The following RING1 variants were observed in gnomAD, a reference collection of about 807,000 sequenced individuals.
The protein encoded by RING1 is ring finger protein 1, also known as E3 ubiquitin-protein ligase RING1.
A neutral mutation model predicts 35.0 loss-of-function variants in RING1; 8 were observed. That is an observed-to-expected ratio of 0.23 (90% CI 0.13 to 0.41). The LOEUF is 0.41. Among genes scored for constraint, RING1 ranks in the 10% least tolerant of loss-of-function variants. The pLI is 1.00. For missense variants in RING1, 343 were observed against 546.8 expected (o/e 0.63, Z 3.72); for synonymous variants, 214 against 224.3 (o/e 0.95, Z 0.41).
chr6:33,210,329 A>C (rs1426122538), intron 4 of RING1, among the ~76,000 whole-genome samples, 199 bp downstream of exon 4: 2 of 152,194 alleles, frequency 1.3e-5, no homozygotes. Context: ...GGCTGGGCAC[A>C]GTGACTCACA....
chr6:33,209,438 C>T lies in RING1; in HGVS notation c.79-188C>T, dbSNP rs748827389. 6 of 622,496 alleles carry T rather than the reference C, an allele frequency of 9.6e-6. No homozygotes were observed. Among genetic ancestry groups the T allele is most frequent in the Non-Finnish European group, 1.7e-5 (6 of 358,586 alleles). 38.6% of individuals were successfully genotyped at this position (622,496 alleles called of 1,614,324 possible). ...AGCTCCTACTCTTAGTTAATGGACA[C>T]TAAAGTCTGTCTTTTCTCCATTTGC... On this transcript the variant is annotated intron_variant, in intron 2 of 6. Transcript: ENST00000374656. The surrounding 1 kb of genome is among the most constrained non-coding windows in gnomAD (Gnocchi z 5.1).
In RING1 at chr6:33,210,096, A is replaced by C. The variant is rs1361053500; in HGVS notation, c.421A>C (p.Ile141Leu). The C allele has an allele frequency of 1.2e-5, 20 of 1,614,072 alleles. No homozygotes were observed. Reference protein sequence around the residue: ...LHNQQALSSSIEEGLRMQAMH... With the variant: ...LHNQQALSSSLEEGLRMQAMH... Reference sequence around the variant, plus strand: ...CAACCAGCAGGCATTGAGCTCCAGCATTGAGGAGGGGCTACGCATGCAGGC... The same window carrying C: ...CAACCAGCAGGCATTGAGCTCCAGCCTTGAGGAGGGGCTACGCATGCAGGC... Residue 141 changes from isoleucine to leucine, a missense_variant, in exon 4 of 7, where the codon ATT (isoleucine) becomes CTT (leucine). Physicochemically the swap from Ile to Leu is conservative, Grantham distance 5 (BLOSUM62 2). This residue lies in a region of RING1 where 278 missense variants were observed against 383.5 expected (regional missense o/e 0.72). Transcript: ENST00000374656.
At position 33,209,324 on chromosome 6, in the gene RING1, A is replaced by G. The variant is rs562834031; in HGVS notation, c.79-302A>G. The G allele has an allele frequency of 7.0e-6, 4 of 573,940 alleles. No individual in the cohort carries two copies. The African/African-American group carries it at 7.5e-5, about 11-fold the overall frequency. The allele number at this position is 573,940 out of a possible 1,614,324, so 35.6% of individuals were successfully genotyped here. ...AATACAGGTAGCACCAGGACTTTAAAAAATTTTGTTGAATAGTTTTTCCCA... is the reference window on the plus strand; with the variant it reads ...AATACAGGTAGCACCAGGACTTTAAGAAATTTTGTTGAATAGTTTTTCCCA... On this transcript the variant is annotated intron_variant, in intron 2 of 6. Coordinates refer to ENST00000374656, the MANE Select transcript of RING1 (RefSeq NM_002931.4). The surrounding 1 kb of genome is among the most constrained non-coding windows in gnomAD (Gnocchi z 5.1).
In RING1 at chr6:33,208,784, G is replaced by A; in HGVS notation, c.-39G>A. The A allele has an allele frequency of 6.6e-7, 1 of 1,508,660 alleles. No individual in the cohort carries two copies. Among genetic ancestry groups the A allele is most frequent in the Non-Finnish European group, 8.9e-7 (1 of 1,119,070 alleles). 93.5% of individuals were successfully genotyped at this position (1,508,660 alleles called of 1,614,324 possible). On this transcript the variant is annotated 5_prime_UTR_variant, in exon 2 of 7. Coordinates refer to ENST00000374656, the MANE Select transcript of RING1 (RefSeq NM_002931.4). This position sits in a 1 kb window ranked among gnomAD's most constrained non-coding sequence, Gnocchi z 6.2. ...CCCCAGCCTTCTTCGCCTTCTCCTC[G>A]GCTGTGGAGCCCTGGTGGGGGGTCT...
Position 33,210,277 on chromosome 6 carries a change from C to T in RING1, c.455+147C>T, listed in dbSNP as rs537492111. 313 of 715,874 alleles carry T rather than the reference C, an allele frequency of 4.4e-4. 2 individuals are homozygous for T. The East Asian group carries it at 4.9e-3, about 11-fold the overall frequency. 44.3% of individuals were successfully genotyped at this position (715,874 alleles called of 1,614,324 possible). On this transcript the variant is annotated intron_variant, in intron 4 of 6. Coordinates refer to ENST00000374656, the MANE Select transcript of RING1 (RefSeq NM_002931.4). ...AAATCATGGGTGTAAATTGCAGTTTCTTAGTAAACAACTGGCCCTGCTCTT... is the reference window on the plus strand; with the variant it reads ...AAATCATGGGTGTAAATTGCAGTTTTTTAGTAAACAACTGGCCCTGCTCTT...
In RING1 at chr6:33,208,941, A is replaced by C; in HGVS notation, c.78+41A>C. 6.6e-7 allele frequency: 1 copy of C among 1,503,790 alleles called. No homozygotes were observed. Among genetic ancestry groups the C allele is most frequent in the Non-Finnish European group, 9.2e-7 (1 of 1,088,108 alleles). The allele number at this position is 1,503,790 out of a possible 1,614,324, so 93.2% of individuals were successfully genotyped here. The stretch of plus-strand genomic sequence containing the variant: ...CCTTTCAGGCTTACCCCCTCCCCCA[A>C]ACCCTTATATCCACAGACCGCATCA... On this transcript the variant is annotated intron_variant, in intron 2 of 6. Transcript: ENST00000374656. This position sits in a 1 kb window ranked among gnomAD's most constrained non-coding sequence, Gnocchi z 6.2.
chr6:33,209,171 A>C lies in RING1; in HGVS notation c.78+271A>C, dbSNP rs1446697862. 1.5e-6 allele frequency: 1 copy of C among 680,818 alleles called. No homozygotes were observed. The highest frequency in any genetic ancestry group is 1.8e-5 in the African/African-American group (1 of 56,844). 42.2% of individuals were successfully genotyped at this position (680,818 alleles called of 1,614,324 possible). A position where few individuals can be genotyped will look rare whatever the true frequency, so the allele number is the denominator to read the frequency against. ...TCCCTGTTCCTCATTCAGTGTCATA[A>C]GTCAGTGCACATAAGACTCACTTTG... On this transcript the variant is annotated intron_variant, in intron 2 of 6. Coordinates refer to ENST00000374656, the MANE Select transcript of RING1 (RefSeq NM_002931.4). The surrounding 1 kb of genome is among the most constrained non-coding windows in gnomAD (Gnocchi z 5.1).
chr6:33,211,126 T>A lies in RING1; in HGVS notation c.456-32T>A. On this transcript the variant is annotated intron_variant, in intron 4 of 6. Transcript: ENST00000374656. This position sits in a 1 kb window ranked among gnomAD's most constrained non-coding sequence, Gnocchi z 6.3. ...TAAAGTCTAAGCCCTTTATCCTGGA[T>A]GCCTTCTAACCTTAACCACTTGCTT... The A allele has an allele frequency of 6.5e-7, 1 of 1,539,960 alleles. No homozygotes were observed. The highest frequency in any genetic ancestry group is 2.3e-5 in the East Asian group (1 of 43,912).
At position 33,211,369 on chromosome 6, in the gene RING1, G is replaced by A. The variant is rs773288562; in HGVS notation, c.667G>A (p.Val223Met). ...GACAGGGGGAGGCGGCACTGGTGGG[G>A]TGGGTGGGGGTGCCGGTTCGGAAGA... ...VGTGGGGTGG[V>M]GGGAGSEDSG... The change falls in exon 5 of 7, where the codon GTG becomes ATG. Residue 223 changes from valine to methionine, a missense_variant. Physicochemically the swap from Val to Met is conservative, Grantham distance 21. This residue lies in a region of RING1 where 278 missense variants were observed against 383.5 expected (regional missense o/e 0.72). Coordinates refer to ENST00000374656, the MANE Select transcript of RING1 (RefSeq NM_002931.4). The surrounding 1 kb of genome is among the most constrained non-coding windows in gnomAD (Gnocchi z 6.3). 1 of 1,560,836 alleles carries A rather than the reference G, an allele frequency of 6.4e-7. No individual in the cohort carries two copies. Among genetic ancestry groups the A allele is most frequent in the Non-Finnish European group, 8.7e-7 (1 of 1,152,512 alleles).
rs775607509 is a variant in RING1, at chr6:33,208,915, C to T, written c.78+15C>T. ...GGACCCCGCAGGTGACAGGCATTCT[C>T]CCTTTCAGGCTTACCCCCTCCCCCA... On this transcript the variant is annotated intron_variant, in intron 2 of 6. Transcript: ENST00000374656. The surrounding 1 kb of genome is among the most constrained non-coding windows in gnomAD (Gnocchi z 6.2). The T allele has an allele frequency of 2.5e-6, 4 of 1,602,822 alleles. No homozygotes were observed. Among genetic ancestry groups the T allele is most frequent in the East Asian group, 2.2e-5 (1 of 44,630 alleles).
In RING1 at chr6:33,209,843, C is replaced by A; in HGVS notation, c.239+57C>A. 6.2e-7 allele frequency: 1 copy of A among 1,611,634 alleles called. No homozygotes were observed. Reference sequence around the variant, plus strand: ...AAGGGGTACAAAGTTAGGGCCCTCTCACTGGTCTTGGTTCAGCCTAGGCTT... The same window carrying A: ...AAGGGGTACAAAGTTAGGGCCCTCTAACTGGTCTTGGTTCAGCCTAGGCTT... On this transcript the variant is annotated intron_variant, in intron 3 of 6. Transcript: ENST00000374656. The surrounding 1 kb of genome is among the most constrained non-coding windows in gnomAD (Gnocchi z 5.1).
Position 33,212,303 on chromosome 6 carries a change from G to A in RING1, c.1125G>A (p.Leu375=). ...IAPGGGAFTT[L]NGSLTLELVN... ...CCCTTTTACCCCCTCCTCAGACGTT[G>A]AATGGCTCGCTGACCCTGGAGCTGG... The change falls in exon 7 of 7, where the codon TTG becomes TTA. Residue 375 remains leucine, a synonymous_variant. Transcript: ENST00000374656. 5 of 1,581,472 alleles carry A rather than the reference G, an allele frequency of 3.2e-6. No individual in the cohort carries two copies. Among genetic ancestry groups the A allele is most frequent in the Non-Finnish European group, 3.4e-6 (4 of 1,163,440 alleles).
rs1775543383 is a variant in RING1 at position 33,211,613 on chromosome 6, G to A, written c.845+66G>A. 6.3e-7 allele frequency: 1 copy of A among 1,578,068 alleles called. No homozygotes were observed. The highest frequency in any genetic ancestry group is 1.2e-5 in the South Asian group (1 of 86,500). ...GATCACCTAGATTTCCATCAGAAGT[G>A]GGCTTTGCCCAAACCCAAAATACCA... On this transcript the variant is annotated intron_variant, in intron 5 of 6. Coordinates refer to ENST00000374656, the MANE Select transcript of RING1 (RefSeq NM_002931.4). The surrounding 1 kb of genome is among the most constrained non-coding windows in gnomAD (Gnocchi z 6.3).
rs150736071 is a variant in RING1, at chr6:33,211,178, C to T, written c.476C>T (p.Pro159Leu). 10 of 1,603,652 alleles carry T rather than the reference C, an allele frequency of 6.2e-6. No individual in the cohort carries two copies. Among genetic ancestry groups the T allele is most frequent in the Admixed American group, 5.0e-5 (3 of 59,746 alleles). Residue 159 changes from proline (P) to leucine (L), a missense_variant, in exon 5 of 7, where the codon CCG becomes CTG. Pro to Leu is a moderately conservative substitution (Grantham distance 98, BLOSUM62 -3). Transcript: ENST00000374656. This position sits in a 1 kb window ranked among gnomAD's most constrained non-coding sequence, Gnocchi z 6.3. ...AMHRAQRVRR[P>L]IPGSDQTTTM... Reference sequence around the variant, plus strand: ...TACAGGGCCCAGCGTGTGAGGCGGCCGATACCAGGGTCAGATCAGACCACA... The same window carrying T: ...TACAGGGCCCAGCGTGTGAGGCGGCTGATACCAGGGTCAGATCAGACCACA...
rs759828026 is a variant in RING1, at chr6:33,211,538, G to A, written c.836G>A (p.Cys279Tyr). The A allele has an allele frequency of 1.9e-6, 3 of 1,611,108 alleles. No homozygotes were observed. The highest frequency in any genetic ancestry group is 2.2e-5 in the South Asian group (2 of 91,058). Reference sequence around the variant, plus strand: ...CTGCTCGTGGAGAAGGGAGAATACTGCCAGACGAGGTGAGGAGCCCTGTCT... The same window carrying A: ...CTGCTCGTGGAGAAGGGAGAATACTACCAGACGAGGTGAGGAGCCCTGTCT... ...HPLLVEKGEY[C>Y]QTRYVKTTGN... The change falls in exon 5 of 7, where the codon TGC becomes TAC. Residue 279 changes from cysteine to tyrosine, a missense_variant. Cys to Tyr is a radical substitution (Grantham distance 194, BLOSUM62 -2). This residue lies in a region of RING1 where 278 missense variants were observed against 383.5 expected (regional missense o/e 0.72). Coordinates refer to ENST00000374656, the MANE Select transcript of RING1 (RefSeq NM_002931.4). This position sits in a 1 kb window ranked among gnomAD's most constrained non-coding sequence, Gnocchi z 6.3.
intron 6 of RING1, 22 bp from the exon 7 acceptor site, chr6:33,212,276 C>A (rs1278613574): frequency 1.3e-6 from 2 of 1,500,860 alleles, no homozygotes; most frequent in Admixed American, 3.9e-5. Context: ...TTTCCCCTCT[C>A]TCCCTTTTAC....
chr6:33,210,878 A>T (rs1311419695), intron 4 of RING1, among the ~76,000 whole-genome samples: 2 of 152,168 alleles, frequency 1.3e-5, no homozygotes, highest in Non-Finnish European at 2.9e-5. Flanking sequence ...GCACTTTGAG[A>T]GGTGACAGCC....
chr6:33,208,776 T>C lies in RING1; in HGVS notation c.-47T>C. ...CCCCCCACCCCCAGCCTTCTTCGCC[T>C]TCTCCTCGGCTGTGGAGCCCTGGTG... On this transcript the variant is annotated 5_prime_UTR_variant, in exon 2 of 7. Transcript: ENST00000374656. This position sits in a 1 kb window ranked among gnomAD's most constrained non-coding sequence, Gnocchi z 6.2. 3 of 1,424,354 alleles carry C rather than the reference T, an allele frequency of 2.1e-6. No homozygotes were observed. Among genetic ancestry groups the C allele is most frequent in the Non-Finnish European group, 2.8e-6 (3 of 1,053,358 alleles). The allele number at this position is 1,424,354 out of a possible 1,614,324, so 88.2% of individuals were successfully genotyped here. A position where few individuals can be genotyped will look rare whatever the true frequency, so the allele number is the denominator to read the frequency against.
Position 33,209,899 on chromosome 6 carries a change from C to T in RING1, c.240-16C>T. On this transcript the variant is annotated splice_polypyrimidine_tract_variant and intron_variant, in intron 3 of 6. Transcript: ENST00000374656. The surrounding 1 kb of genome is among the most constrained non-coding windows in gnomAD (Gnocchi z 5.1). ...CCCTTGACTGACCACTCAGGGCTTC[C>T]CTTCTCCTACCCCAGGAACAAGGAG... is the stretch of plus-strand genomic sequence containing the variant. 6.2e-7 allele frequency: 1 copy of T among 1,613,850 alleles called. No homozygotes were observed.
Sources: allele counts gnomAD v4.1 joint callset (sites outside exome capture counted in the v4.1 genomes callset), GRCh38; gene constraint gnomAD v4.1.1; regional missense constraint gnomAD v4.1.1; non-coding constraint Gnocchi (gnomAD v3.1); transcripts MANE v1.5; gene names NCBI Gene and HGNC (gene_info 2026-07-23, HGNC 2026-07-21).